MAP3K2: variants seen among roughly 807,000 people sequenced by gnomAD.
MAP3K2 encodes the protein mitogen-activated protein kinase kinase kinase 2.
MAP3K2 carries 24 observed loss-of-function variants against 80.3 expected under a neutral mutation model. That is an observed-to-expected ratio of 0.30 (90% confidence interval 0.22 to 0.42). The LOEUF is 0.42. MAP3K2 is among the 10% of genes least tolerant of loss of function. MAP3K2 has a pLI of 1.00. For synonymous variants in MAP3K2, 244 were observed against 253.7 expected, an observed-to-expected ratio of 0.96 and a Z score of 0.36; for missense variants, 608 against 750.1, an observed-to-expected ratio of 0.81 and a Z score of 2.21.
chr2:127,370,320 G>C (rs144068149), intron 1 of MAP3K2, among the ~76,000 whole-genome samples: 48 of 152,308 alleles, frequency 3.2e-4, no homozygotes, highest in Non-Finnish European at 6.6e-4. Context: ...TCCTGTGTCT[G>C]AGTTCATTTG....
intron 15 of MAP3K2, 59 bp downstream of exon 15, chr2:127,314,695 G>T: frequency 7.5e-7 from 1 of 1,335,652 alleles, no homozygotes; most frequent in Non-Finnish European, 1.1e-6. Context: ...CACATCACTT[G>T]TTTCATTCAC....
rs371401275 is a variant in MAP3K2, at chr2:127,325,793, T to C, written c.612A>G (p.Leu204=). 35 of 1,613,002 alleles carry C rather than the reference T, an allele frequency of 2.2e-5. No individual in the cohort carries two copies. The highest frequency in any genetic ancestry group is 3.0e-5 in the Non-Finnish European group (35 of 1,179,250). ...PESMDQMLDP[L]SLSSPENSGS... is the part of the protein sequence containing the mutation. Reference sequence around the variant, plus strand: ...CAGAATTTTCAGGGCTGCTTAAAGATAATGGATCCAGCATCTAGGAAAAAA... The same window carrying C: ...CAGAATTTTCAGGGCTGCTTAAAGACAATGGATCCAGCATCTAGGAAAAAA... Residue 204 remains leucine (L), a synonymous_variant, in exon 9 of 17, where the codon TTA becomes TTG. Transcript: ENST00000682094.
At chr2:127,385,118 A>C (rs536651593) in intron 1 of MAP3K2, among the ~76,000 whole-genome samples, 1 of 152,336 alleles carries the variant, frequency 6.6e-6, no homozygotes, top group African/African-American at 2.4e-5. Flanking sequence ...CCAATTTTGA[A>C]AAATGTTCTA....
intron 2 of MAP3K2, among the ~76,000 whole-genome samples, chr2:127,340,525 C>G (rs1686457338): frequency 6.6e-6 from 1 of 152,082 alleles, no homozygotes; most frequent in South Asian, 2.1e-4. Flanking sequence ...GGCATGGTGG[C>G]AGGTGCCTGT....
At chr2:127,327,565 CA>C (rs35285745) in intron 7 of MAP3K2, among the ~76,000 whole-genome samples, 2,663 of 129,996 alleles carry the variant, frequency 0.02, 53 homozygotes, top group African/African-American at 0.064. Context: ...GAGATAGGAC[CA>C]AAAAAAAAAA....
At chr2:127,350,438 GAAACAA>G (rs1284424791) in intron 1 of MAP3K2, among the ~76,000 whole-genome samples, 1 of 54,674 alleles carries the variant, frequency 1.8e-5, no homozygotes, top group African/African-American at 6.5e-5. Context: ...CCCATCTCCT[GAAACAA>G]AAACAAAAAC....
chr2:127,369,016 C>T (rs374417311), intron 1 of MAP3K2, among the ~76,000 whole-genome samples: 36 of 151,982 alleles, frequency 2.4e-4, no homozygotes, highest in South Asian at 4.2e-4. Context: ...GGCGGGATCT[C>T]GGCTCACTGC....
intron 5 of MAP3K2, among the ~76,000 whole-genome samples, chr2:127,331,756 C>A (rs919919043): frequency 3.9e-5 from 6 of 152,184 alleles, no homozygotes; most frequent in African/African-American, 1.4e-4. Context: ...CAGGCATGCA[C>A]CACCACGCGT....
At chr2:127,360,678 C>A (rs1454250820) in intron 1 of MAP3K2, among the ~76,000 whole-genome samples, 3 of 152,160 alleles carry the variant, frequency 2.0e-5, no homozygotes, top group Non-Finnish European at 2.9e-5. Flanking sequence ...TTATGAATCA[C>A]ACCACAAATC....
chr2:127,375,971 A>G (rs979099493), intron 1 of MAP3K2, among the ~76,000 whole-genome samples: 1 of 152,188 alleles, frequency 6.6e-6, no homozygotes, highest in African/African-American at 2.4e-5. Flanking sequence ...CTAGGATGCA[A>G]AGCTGGAATA....
intron 1 of MAP3K2, among the ~76,000 whole-genome samples, chr2:127,363,687 G>GTTTTAAAT (rs1444746598): frequency 6.6e-6 from 1 of 152,088 alleles, no homozygotes; most frequent in African/African-American, 2.4e-5. Context: ...CATTATACAG[G>GTTTTAAAT]ACCTTTTAAA....
Position 127,380,995 on chromosome 2 carries a change from A to T in MAP3K2, c.-66+6457T>A, listed in dbSNP as rs187131188. ...AATGTTTACTAAAGCAATCACTATG[A>T]AATAAGAACATGCAGTAAAGTTTAA... On this transcript the variant is annotated intron_variant, in intron 1 of 16. Coordinates refer to ENST00000682094, the MANE Select transcript of MAP3K2 (RefSeq NM_001371910.2). Among the ~76,000 whole-genome samples, 167 of 151,964 alleles carry T rather than the reference A, an allele frequency of 1.1e-3. No homozygotes were observed. In the South Asian group the frequency reaches 0.013, roughly 12 times the overall value.
At chr2:127,317,834 C>T in intron 13 of MAP3K2, 74 bp from the exon 14 acceptor site, 1 of 1,358,176 alleles carries the variant, frequency 7.4e-7, no homozygotes, top group South Asian at 1.3e-5. Flanking sequence ...CATGGACCAT[C>T]AAGGTGATTT....
intron 2 of MAP3K2, among the ~76,000 whole-genome samples, chr2:127,342,845 T>C (rs1377050256): frequency 6.6e-6 from 1 of 152,220 alleles, no homozygotes; most frequent in Admixed American, 6.5e-5. Context: ...AATTTTATGA[T>C]TTCTCTCTTG....
At chr2:127,386,982 G>C (rs1687363335) in intron 1 of MAP3K2, among the ~76,000 whole-genome samples, 1 of 152,156 alleles carries the variant, frequency 6.6e-6, no homozygotes, top group Admixed American at 6.5e-5. Context: ...GAGCTGGGAA[G>C]ATGAAGAGAG....
rs1371094400 is a variant in MAP3K2, at chr2:127,302,847, G to A, written c.*4732C>T. 1.3e-5 allele frequency: 2 copies of A among 152,036 alleles called. No individual in the cohort carries two copies. The highest frequency in any genetic ancestry group is 6.6e-5 in the Admixed American group (1 of 15,260). The allele number at this position is 152,036 out of a possible 1,614,324, so 9.4% of individuals were successfully genotyped here. On this transcript the variant is annotated 3_prime_UTR_variant, in exon 17 of 17. Transcript: ENST00000682094. Reference sequence around the variant, plus strand: ...TGGAAGCTGCAGCATGTCTATCACAGACAAATCCTAATGTTTCTCTCCTAA... The same window carrying A: ...TGGAAGCTGCAGCATGTCTATCACAAACAAATCCTAATGTTTCTCTCCTAA...
chr2:127,315,031 T>G lies in MAP3K2; in HGVS notation c.1327-148A>C, dbSNP rs1685874781. ...TGAATTTTACTTATTTTGTTCTTAT[T>G]CTGTTTTTAAAGTATTTTATTGACA... On this transcript the variant is annotated intron_variant, in intron 14 of 16. Coordinates refer to ENST00000682094, the MANE Select transcript of MAP3K2 (RefSeq NM_001371910.2). 3 of 623,728 alleles carry G rather than the reference T, an allele frequency of 4.8e-6. No homozygotes were observed. In the East Asian group the frequency reaches 8.6e-5, roughly 18 times the overall value. The allele number at this position is 623,728 out of a possible 1,614,324, so 38.6% of individuals were successfully genotyped here.
At chr2:127,347,087 C>T (rs963128392) in intron 1 of MAP3K2, among the ~76,000 whole-genome samples, 6 of 152,148 alleles carry the variant, frequency 3.9e-5, no homozygotes, top group Non-Finnish European at 5.9e-5. Context: ...CTTTTATGCT[C>T]AAAAGATAAC....
At chr2:127,347,734 T>C (rs1686623595) in intron 1 of MAP3K2, among the ~76,000 whole-genome samples, 1 of 152,136 alleles carries the variant, frequency 6.6e-6, no homozygotes, top group Non-Finnish European at 1.5e-5. Flanking sequence ...AACGGAAAAC[T>C]GATCCTTAAA....
Sources: gnomAD v4.1 joint callset for allele counts (sites outside exome capture counted in the v4.1 genomes callset) on GRCh38, gnomAD v4.1.1 for gene constraint, MANE v1.5 for transcripts, NCBI Gene and HGNC (gene_info 2026-07-23, HGNC 2026-07-21) for gene names.